RNF20: variants seen among roughly 807,000 people sequenced by gnomAD.
RNF20 encodes E3 ubiquitin-protein ligase BRE1A.
RNF20 carries 84 observed loss-of-function variants against 126.2 expected under a neutral mutation model. The ratio of observed to expected loss-of-function variants is 0.67; its 90% confidence interval spans 0.56 to 0.80. The LOEUF is 0.80. Ranked by LOEUF, RNF20 falls within the 30% of genes least tolerant of loss-of-function variation. RNF20 has a pLI of 0.00. For synonymous variants in RNF20, 400 were observed against 414.3 expected, an observed-to-expected ratio of 0.97 and a Z score of 0.42; for missense variants, 869 against 1,188.2, an observed-to-expected ratio of 0.73 and a Z score of 3.95.
Position 101,562,338 on chromosome 9 carries a change from A to G in RNF20, c.2844A>G (p.Thr948=). ...TCTTCTGCTTTGAGTGTGTGAAGAC[A>G]CGCTATGACACCCGCCAGCGCAAAT... The part of the protein sequence containing the change: ...FHVFCFECVK[T]RYDTRQRKCP... Residue 948 remains threonine, a synonymous_variant, in exon 20 of 20, where the codon ACA becomes ACG. Coordinates refer to ENST00000389120, the MANE Select transcript of RNF20 (RefSeq NM_019592.7). 1.2e-6 allele frequency: 2 copies of G among 1,614,052 alleles called. No homozygotes were observed. The highest frequency in any genetic ancestry group is 1.7e-6 in the Non-Finnish European group (2 of 1,179,972).
chr9:101,561,292 T>C (rs963032984), intron 18 of RNF20, 62 bp downstream of exon 18: 1 of 1,526,902 alleles, frequency 6.5e-7, no homozygotes, highest in East Asian at 2.3e-5. Flanking sequence ...AAGTGACCCA[T>C]ATCATGAAAG....
Position 101,561,972 on chromosome 9 carries a change from G to C in RNF20, c.2712G>C (p.Lys904Asn). The C allele has an allele frequency of 6.2e-7, 1 of 1,612,566 alleles. No homozygotes were observed. The highest frequency in any genetic ancestry group is 2.2e-5 in the East Asian group (1 of 44,864). ...CAAAGAAACCAGACAATGTACCCAA[G>C]TGTGATGAGATTCTGATGGAAGAGA... ...ETTKKPDNVP[K>N]CDEILMEEIK... Residue 904 changes from lysine (K) to asparagine (N), a missense_variant, in exon 19 of 20, where the codon AAG becomes AAC. Around this residue, in one of 8 missense-constraint regions of RNF20, gnomAD observed 150 missense variants for 173.7 expected, o/e 0.86. Coordinates refer to ENST00000389120, the MANE Select transcript of RNF20 (RefSeq NM_019592.7).
intron 9 of RNF20, among the ~76,000 whole-genome samples, chr9:101,547,925 G>A (rs549111833): frequency 6.6e-6 from 1 of 152,054 alleles, no homozygotes. Flanking sequence ...AACCTTACAG[G>A]CTCCACGAAA....
At chr9:101,553,428 A>G (rs1385641795) in intron 13 of RNF20, among the ~76,000 whole-genome samples, 1 of 152,234 alleles carries the variant, frequency 6.6e-6, no homozygotes, top group Non-Finnish European at 1.5e-5. Flanking sequence ...TTTGGTATAT[A>G]AAAGTATAGT....
chr9:101,550,088 CA>C (rs1488445052), intron 9 of RNF20, among the ~76,000 whole-genome samples: 1 of 152,138 alleles, frequency 6.6e-6, no homozygotes, highest in Non-Finnish European at 1.5e-5. Flanking sequence ...CTCTATTTTA[CA>C]AGTTGTTTGT....
rs560975176 is a variant in RNF20, at chr9:101,562,528, A to G, written c.*106A>G. ...ACTGTCACCTGTAGGACAGTTTATC[A>G]GTCAACTACCTTTCCTCCAGACTTT... is the stretch of plus-strand genomic sequence containing the variant. On this transcript the variant is annotated 3_prime_UTR_variant, in exon 20 of 20. Coordinates refer to ENST00000389120, the MANE Select transcript of RNF20 (RefSeq NM_019592.7). 1 of 1,067,514 alleles carries G rather than the reference A, an allele frequency of 9.4e-7. No homozygotes were observed. Among genetic ancestry groups the G allele is most frequent in the African/African-American group, 1.6e-5 (1 of 62,828 alleles). 66.1% of individuals were successfully genotyped at this position (1,067,514 alleles called of 1,614,324 possible). A position where few individuals can be genotyped will look rare whatever the true frequency, so the allele number is the denominator to read the frequency against.
At chr9:101,556,066 G>A (rs1053847413) in intron 15 of RNF20, among the ~76,000 whole-genome samples, 8 of 151,522 alleles carry the variant, frequency 5.3e-5, no homozygotes, top group African/African-American at 1.2e-4. Flanking sequence ...ACTATTATAG[G>A]TTCTAGAACA....
At chr9:101,556,459 CAT>C (rs1370907060) in intron 15 of RNF20, among the ~76,000 whole-genome samples, 19 of 151,912 alleles carry the variant, frequency 1.3e-4, no homozygotes, top group Non-Finnish European at 2.2e-4. Flanking sequence ...AAAACTGTGA[CAT>C]GTGATGGGAC....
rs1274840228 is a variant in RNF20, at chr9:101,555,184, T to C, written c.2169+341T>C. Among the ~76,000 whole-genome samples the C allele has an allele frequency of 2.6e-5, 4 of 151,944 alleles. No individual in the cohort carries two copies. In the East Asian group the frequency reaches 7.7e-4, roughly 29 times the overall value. On this transcript the variant is annotated intron_variant, in intron 15 of 19. Coordinates refer to ENST00000389120, the MANE Select transcript of RNF20 (RefSeq NM_019592.7). Reference sequence around the variant, plus strand: ...TGAATATAAAATGAAAAATAAGACATAAGATTTTATATACATTATGATTAC... The same window carrying C: ...TGAATATAAAATGAAAAATAAGACACAAGATTTTATATACATTATGATTAC...
At chr9:101,553,617 T>A (rs544605265) in intron 13 of RNF20, among the ~76,000 whole-genome samples, 3 of 152,146 alleles carry the variant, frequency 2.0e-5, no homozygotes, top group African/African-American at 7.2e-5. Context: ...ATCAGAATCA[T>A]CTGAGTGACT....
chr9:101,554,433 A>T (rs928528926), intron 14 of RNF20, among the ~76,000 whole-genome samples: 1 of 152,188 alleles, frequency 6.6e-6, no homozygotes, highest in Admixed American at 6.5e-5. Context: ...GAGGCCTAAA[A>T]AAAAGGATGG....
intron 6 of RNF20, 131 bp from the exon 7 acceptor site, chr9:101,546,689 C>T: frequency 1.3e-6 from 1 of 788,058 alleles, no homozygotes; most frequent in South Asian, 1.9e-5. Flanking sequence ...TTTTTGTAAT[C>T]ATGCATTGGG....
chr9:101,543,529 C>T (rs1246851761), intron 5 of RNF20, among the ~76,000 whole-genome samples: 1 of 149,040 alleles, frequency 6.7e-6, no homozygotes, highest in East Asian at 2.0e-4. Context: ...ACTGTCCAAC[C>T]CTGCCAGAGC....
chr9:101,556,804 C>T (rs1827542764), intron 15 of RNF20, among the ~76,000 whole-genome samples: 1 of 150,876 alleles, frequency 6.6e-6, no homozygotes. Context: ...TTATCTGATA[C>T]AAAAAAAACT....
At chr9:101,548,783 A>T (rs1827394506) in intron 9 of RNF20, among the ~76,000 whole-genome samples, 1 of 152,208 alleles carries the variant, frequency 6.6e-6, no homozygotes, top group Non-Finnish European at 1.5e-5. Flanking sequence ...AGTTGTTGAG[A>T]AAAATGAGAA....
intron 11 of RNF20, 36 bp from the exon 12 acceptor site, chr9:101,552,105 A>C (rs1260370570): frequency 6.2e-7 from 1 of 1,613,754 alleles, no homozygotes; most frequent in South Asian, 1.1e-5. Flanking sequence ...TGCCCTTACC[A>C]CGGTTCCTCA....
At chr9:101,548,069 C>G (rs372640477) in intron 9 of RNF20, among the ~76,000 whole-genome samples, 72 of 152,014 alleles carry the variant, frequency 4.7e-4, no homozygotes, top group African/African-American at 1.6e-3. Flanking sequence ...ATTTACAATA[C>G]CATTAAAAAA....
At chr9:101,547,864 G>C (rs567748630) in intron 9 of RNF20, among the ~76,000 whole-genome samples, 24 of 152,156 alleles carry the variant, frequency 1.6e-4, no homozygotes, top group Non-Finnish European at 3.2e-4. Flanking sequence ...AATCAGAAAG[G>C]AAGAGGTAAA....
At chr9:101,545,361 G>C (rs554072058) in intron 6 of RNF20, among the ~76,000 whole-genome samples, 2 of 152,192 alleles carry the variant, frequency 1.3e-5, no homozygotes, top group African/African-American at 2.4e-5. Context: ...TTTGGCCACT[G>C]AATTCTTATG....
Sources: gnomAD v4.1 joint callset for allele counts (sites outside exome capture counted in the v4.1 genomes callset) on GRCh38, gnomAD v4.1.1 for gene constraint, gnomAD v4.1.1 regional missense constraint, MANE v1.5 for transcripts, NCBI Gene and HGNC (gene_info 2026-07-23, HGNC 2026-07-21) for gene names.